GRM1: variants seen among roughly 807,000 people sequenced by gnomAD.
GRM1 encodes metabotropic glutamate receptor 1.
GRM1 carries 33 observed loss-of-function variants against 90.9 expected under a neutral mutation model. The ratio of observed to expected loss-of-function variants is 0.36; its 90% CI spans 0.28 to 0.49. The LOEUF (loss-of-function observed/expected upper bound fraction) is 0.49. GRM1 is among the 20% of genes least tolerant of loss of function. The probability of loss-of-function intolerance (pLI) is 0.99; values close to 1 mark genes in which losing one functional copy is unlikely to be tolerated. For missense variants in GRM1, 1,190 were observed against 1,534.3 expected, an observed-to-expected ratio of 0.78 and a Z score of 3.75; for synonymous variants, 700 against 613.2, an observed-to-expected ratio of 1.14 and a Z score of -2.09.
intron 1 of GRM1, among the ~76,000 whole-genome samples, chr6:146,118,135 C>CTTTT (rs1562474214): frequency 1.6e-5 from 2 of 121,216 alleles, no homozygotes; most frequent in African/African-American, 3.0e-5. Flanking sequence ...TTTTTTTCTT[C>CTTTT]TTTTCTTTTT....
Position 146,336,304 on chromosome 6 carries a change from C to T in GRM1, c.1187-15946C>T, listed in dbSNP as rs577071159. ...TTCCTTTGCTAATGATTTGTTGAGG[C>T]GTGCTGTCAAGAGGAGAGGAAGTAA... On this transcript the variant is annotated intron_variant, in intron 3 of 7. Coordinates refer to ENST00000282753, the MANE Select transcript of GRM1 (RefSeq NM_001278064.2). 1.8e-4 allele frequency among the ~76,000 whole-genome samples: 28 copies of T among 152,188 alleles called. No homozygotes were observed. The South Asian group carries it at 4.2e-3, about 23-fold the overall frequency.
chr6:146,357,028 C>T (rs966778194), intron 4 of GRM1, among the ~76,000 whole-genome samples: 3 of 152,124 alleles, frequency 2.0e-5, no homozygotes, highest in African/African-American at 7.2e-5. Flanking sequence ...CCTCAACATC[C>T]TTAGTAATTA....
chr6:146,065,530 G>A (rs1019019801), intron 1 of GRM1, among the ~76,000 whole-genome samples: 7 of 152,176 alleles, frequency 4.6e-5, no homozygotes, highest in Non-Finnish European at 1.0e-4. Flanking sequence ...CTGGCACACA[G>A]TATATTGTTA....
At chr6:146,253,442 G>A (rs1781372468) in intron 2 of GRM1, among the ~76,000 whole-genome samples, 1 of 152,066 alleles carries the variant, frequency 6.6e-6, no homozygotes, top group African/African-American at 2.4e-5. Flanking sequence ...TGAAAAATGG[G>A]GTTGTTCAGC....
At chr6:146,058,420 A>G (rs183263100) in intron 1 of GRM1, among the ~76,000 whole-genome samples, 1 of 152,260 alleles carries the variant, frequency 6.6e-6, no homozygotes, top group East Asian at 1.9e-4. Flanking sequence ...TATTATGCCT[A>G]AAAGTGCATA....
chr6:146,274,026 C>G (rs1782264426), intron 2 of GRM1, among the ~76,000 whole-genome samples: 1 of 152,214 alleles, frequency 6.6e-6, no homozygotes, highest in Non-Finnish European at 1.5e-5. Flanking sequence ...GTCCATCACT[C>G]TGCAATCGTT....
intron 2 of GRM1, among the ~76,000 whole-genome samples, chr6:146,243,790 C>G (rs961369192): frequency 9.9e-5 from 15 of 152,198 alleles, no homozygotes; most frequent in African/African-American, 3.4e-4. Context: ...GTGGGAATGT[C>G]CTCATCCTAA....
At chr6:146,336,859 G>C (rs1397150411) in intron 3 of GRM1, among the ~76,000 whole-genome samples, 1 of 152,170 alleles carries the variant, frequency 6.6e-6, no homozygotes, top group Non-Finnish European at 1.5e-5. Flanking sequence ...TTAAAAACTT[G>C]TTCTGAATAA....
rs362973 is a variant in GRM1, at chr6:146,329,275, A to G, written c.1187-22975A>G. Among the ~76,000 whole-genome samples the G allele has an allele frequency of 4.8e-3, 727 of 152,310 alleles. 4 individuals are homozygous for G. Among genetic ancestry groups the G allele is most frequent in the African/African-American group, 0.017 (697 of 41,560 alleles). ...GCATCCCTCAGAAGTTCCCTGGCAT[A>G]GATCTCTCACTGCCTCAAAGCTCCT... is the stretch of plus-strand genomic sequence containing the variant. On this transcript the variant is annotated intron_variant, in intron 3 of 7. Coordinates refer to ENST00000282753, the MANE Select transcript of GRM1 (RefSeq NM_001278064.2).
At chr6:146,094,714 C>T (rs2128868538) in intron 1 of GRM1, among the ~76,000 whole-genome samples, 1 of 152,104 alleles carries the variant, frequency 6.6e-6, no homozygotes. Flanking sequence ...TAATTATAAT[C>T]TTGCAGTGGA....
At chr6:146,066,144 G>T (rs947877026) in intron 1 of GRM1, among the ~76,000 whole-genome samples, 1 of 152,074 alleles carries the variant, frequency 6.6e-6, no homozygotes, top group African/African-American at 2.4e-5. Flanking sequence ...CTCAGCTTTG[G>T]AGCACAAATG....
At chr6:146,407,870 C>T (rs959964458) in intron 7 of GRM1, among the ~76,000 whole-genome samples, 14 of 152,066 alleles carry the variant, frequency 9.2e-5, no homozygotes, top group Non-Finnish European at 1.8e-4. Context: ...TGGTATAACA[C>T]GTGGTTACAA....
chr6:146,078,663 T>C (rs1776266853), intron 1 of GRM1, among the ~76,000 whole-genome samples: 1 of 152,242 alleles, frequency 6.6e-6, no homozygotes, highest in Non-Finnish European at 1.5e-5. Flanking sequence ...TATTATTATT[T>C]ATAGAATGTT....
intron 3 of GRM1, chr6:146,340,330 T>C (rs1784923252): frequency 6.6e-6 from 1 of 152,218 alleles, no homozygotes; most frequent in South Asian, 2.1e-4. Flanking sequence ...TTCAGCAAAC[T>C]AGTCTCTGCA....
chr6:146,332,753 A>C (rs1784627773), intron 3 of GRM1, among the ~76,000 whole-genome samples: 1 of 152,194 alleles, frequency 6.6e-6, no homozygotes, highest in Non-Finnish European at 1.5e-5. Context: ...CCCCTGTTAA[A>C]AGCTATTACT....
chr6:146,027,880 C>G (rs1019436336), upstream of GRM1: 1 of 152,548 alleles, frequency 6.6e-6, no homozygotes, highest in Admixed American at 6.5e-5. Flanking sequence ...AGACAAAGTC[C>G]CAGTCTATCA....
intron 2 of GRM1, among the ~76,000 whole-genome samples, chr6:146,218,498 CTT>C (rs1779950056): frequency 6.6e-6 from 1 of 152,144 alleles, no homozygotes; most frequent in African/African-American, 2.4e-5. Context: ...ACTAAGGAAA[CTT>C]TGCAAAATCA....
At chr6:146,394,362 T>C (rs928593037) in intron 6 of GRM1, among the ~76,000 whole-genome samples, 2 of 152,182 alleles carry the variant, frequency 1.3e-5, no homozygotes, top group African/African-American at 2.4e-5. Flanking sequence ...CAGATTTTTA[T>C]AGCTTTAAAT....
At chr6:146,261,834 AG>A (rs1307063200) in intron 2 of GRM1, among the ~76,000 whole-genome samples, 2 of 152,168 alleles carry the variant, frequency 1.3e-5, no homozygotes, top group Non-Finnish European at 2.9e-5. Flanking sequence ...GTAAAGCAAA[AG>A]CAGACTATAG....
Sources: gnomAD v4.1 joint callset for allele counts (sites outside exome capture counted in the v4.1 genomes callset) on GRCh38, gnomAD v4.1.1 for gene constraint, MANE v1.5 for transcripts, NCBI Gene and HGNC (gene_info 2026-07-23, HGNC 2026-07-21) for gene names.